CSMD3: variants seen among roughly 807,000 people sequenced by gnomAD.
CSMD3 encodes CUB and Sushi multiple domains 3.
A neutral mutation model predicts 435.2 loss-of-function variants in CSMD3; 177 were observed. The observed-to-expected ratio is 0.41, with a 90% CI of 0.36 to 0.46. The LOEUF is 0.46. CSMD3 is among the 20% of genes least tolerant of loss of function. The pLI is 0.34. For missense variants in CSMD3, 4,265 were observed against 4,504.6 expected, an observed-to-expected ratio of 0.95 and a Z score of 1.52; for synonymous variants, 1,656 against 1,520.5, an observed-to-expected ratio of 1.09 and a Z score of -2.07.
At chr8:112,950,610 T>C (rs2083773349) in intron 8 of CSMD3, among the ~76,000 whole-genome samples, 1 of 152,006 alleles carries the variant, frequency 6.6e-6, no homozygotes, top group Admixed American at 6.6e-5. Flanking sequence ...TTATGTGTAT[T>C]ACCCCATTTA....
rs2094708995 is a variant in CSMD3, at chr8:113,436,742, A to G, written c.113T>C (p.Met38Thr). ...AAACGTAAATCCACTTTTAATCCCC[A>G]TTTTCTTCATCAGGATGAAGTCTAG... is the stretch of plus-strand genomic sequence containing the variant. ...GRLDFILMKK[M>T]GIKSGFTFWN... The change falls in exon 1 of 71, where the codon ATG (methionine) becomes ACG (threonine). Residue 38 changes from methionine to threonine, a missense_variant. Met to Thr is a moderately conservative substitution (Grantham distance 81). Around this residue, in one of 3 missense-constraint regions of CSMD3, gnomAD observed 731 missense variants for 755.4 expected, o/e 0.97. Coordinates refer to ENST00000297405, the MANE Select transcript of CSMD3 (RefSeq NM_198123.2). 3 of 1,613,788 alleles carry G rather than the reference A, an allele frequency of 1.9e-6. No homozygotes were observed. Among genetic ancestry groups the G allele is most frequent in the African/African-American group, 2.7e-5 (2 of 74,816 alleles).
At chr8:113,350,469 T>C (rs2094182817) in intron 1 of CSMD3, among the ~76,000 whole-genome samples, 1 of 152,198 alleles carries the variant, frequency 6.6e-6, no homozygotes, top group South Asian at 2.1e-4. Flanking sequence ...ACTATACAAA[T>C]GAACTTAAAC....
intron 6 of CSMD3, among the ~76,000 whole-genome samples, chr8:113,010,454 T>C (rs2086217123): frequency 6.6e-6 from 1 of 151,950 alleles, no homozygotes; most frequent in Admixed American, 6.6e-5. Context: ...TTATGCAAAA[T>C]GATCTATCAT....
intron 65 of CSMD3, 39 bp downstream of exon 65, chr8:112,244,355 A>C (rs1444334161): frequency 2.6e-6 from 4 of 1,522,020 alleles, no homozygotes; most frequent in Non-Finnish European, 3.6e-6. Flanking sequence ...GCAATAGTGC[A>C]ATCTCTTGTG....
chr8:113,347,826 T>C (rs912413268), intron 1 of CSMD3, among the ~76,000 whole-genome samples: 6 of 151,934 alleles, frequency 3.9e-5, no homozygotes, highest in African/African-American at 1.5e-4. Context: ...CAAAGGATGA[T>C]GAAAATGAAG....
intron 5 of CSMD3, among the ~76,000 whole-genome samples, chr8:113,095,022 G>A (rs2090121468): frequency 6.6e-6 from 1 of 151,780 alleles, no homozygotes; most frequent in Non-Finnish European, 1.5e-5. Context: ...AGTGAGCTGA[G>A]ATTGCACCAC....
intron 32 of CSMD3, among the ~76,000 whole-genome samples, chr8:112,409,391 C>T (rs1450929275): frequency 6.6e-6 from 1 of 151,918 alleles, no homozygotes; most frequent in East Asian, 1.9e-4. Flanking sequence ...CACTTTGTGA[C>T]TCTCTTCTCT....
At chr8:112,319,140 G>A (rs189305763) in intron 46 of CSMD3, among the ~76,000 whole-genome samples, 190 bp from the exon 47 acceptor site, 285 of 152,164 alleles carry the variant, frequency 1.9e-3, no homozygotes, top group African/African-American at 6.6e-3. Flanking sequence ...TGACCCATCA[G>A]GACTGAAGGC....
intron 1 of CSMD3, among the ~76,000 whole-genome samples, chr8:113,328,735 CTTTTT>C (rs71281211): frequency 2.7e-3 from 155 of 57,188 alleles, no homozygotes; most frequent in South Asian, 0.019. Flanking sequence ...TCCTTCTTTT[CTTTTT>C]TTTTTTTTTT....
intron 1 of CSMD3, among the ~76,000 whole-genome samples, chr8:113,373,091 A>G (rs1041155885): frequency 1.3e-5 from 2 of 152,188 alleles, no homozygotes; most frequent in Non-Finnish European, 2.9e-5. Flanking sequence ...CTTCAACGGG[A>G]TTAGCTGCTA....
intron 19 of CSMD3, among the ~76,000 whole-genome samples, chr8:112,648,180 C>G (rs889581536): frequency 8.5e-5 from 13 of 152,136 alleles, no homozygotes; most frequent in African/African-American, 3.1e-4. Context: ...GAGATCTGGA[C>G]TAGTTACCGC....
At chr8:112,790,438 A>G (rs2078658580) in intron 13 of CSMD3, among the ~76,000 whole-genome samples, 1 of 152,062 alleles carries the variant, frequency 6.6e-6, no homozygotes, top group Non-Finnish European at 1.5e-5. Context: ...TCAGTTCCTC[A>G]CAAAAGAGCA....
chr8:112,989,721 C>A (rs2085383078), intron 6 of CSMD3, among the ~76,000 whole-genome samples: 1 of 151,942 alleles, frequency 6.6e-6, no homozygotes, highest in Non-Finnish European at 1.5e-5. Flanking sequence ...CTGTGACCAA[C>A]AGAGTGCAGC....
At chr8:112,522,326 CTTTGAA>C (rs1269155675) in intron 27 of CSMD3, among the ~76,000 whole-genome samples, 2 of 151,866 alleles carry the variant, frequency 1.3e-5, no homozygotes, top group Non-Finnish European at 3.0e-5. Flanking sequence ...TAAGGAATCT[CTTTGAA>C]TTCATTGTAA....
intron 28 of CSMD3, among the ~76,000 whole-genome samples, chr8:112,515,030 G>A (rs920478159): frequency 6.6e-6 from 1 of 151,672 alleles, no homozygotes; most frequent in Non-Finnish European, 1.5e-5. Flanking sequence ...CTTAACTTAA[G>A]TAAGACTTAG....
intron 1 of CSMD3, chr8:113,377,143 C>G (rs2094390668): frequency 4.0e-6 from 5 of 1,253,818 alleles, no homozygotes; most frequent in South Asian, 1.5e-5. Flanking sequence ...TCCAAAGGGC[C>G]GAGGGGTGTA....
chr8:112,744,078 T>C (rs941953460), intron 13 of CSMD3, among the ~76,000 whole-genome samples: 6 of 152,010 alleles, frequency 3.9e-5, no homozygotes, highest in African/African-American at 1.4e-4. Context: ...AAGACAGAAC[T>C]AAAAAGGAAT....
chr8:112,927,436 C>T (rs935728527), intron 9 of CSMD3, among the ~76,000 whole-genome samples: 1 of 152,068 alleles, frequency 6.6e-6, no homozygotes, highest in Admixed American at 6.6e-5. Context: ...GGGATTCAAT[C>T]CACCCCGCCT....
At chr8:112,743,251 T>C (rs1383183230) in intron 13 of CSMD3, among the ~76,000 whole-genome samples, 1 of 151,712 alleles carries the variant, frequency 6.6e-6, no homozygotes, top group Non-Finnish European at 1.5e-5. Context: ...AATAATTTCC[T>C]CATATTATAA....
Sources: gnomAD v4.1 joint callset for allele counts (sites outside exome capture counted in the v4.1 genomes callset) on GRCh38, gnomAD v4.1.1 for gene constraint, gnomAD v4.1.1 regional missense constraint, MANE v1.5 for transcripts, NCBI Gene and HGNC (gene_info 2026-07-23, HGNC 2026-07-21) for gene names.